EXT1: variants seen among roughly 807,000 people sequenced by gnomAD.
EXT1 encodes exostosin-1.
Under a neutral mutation model 82.5 loss-of-function variants are expected in EXT1, and 20 were observed. The observed-to-expected ratio is 0.24, with a 90% CI of 0.17 to 0.35. EXT1 has a LOEUF of 0.35. Ranked by LOEUF, EXT1 falls within the 10% of genes least tolerant of loss-of-function variation. The pLI is 1.00. For missense variants in EXT1, 757 were observed against 936.5 expected, an observed-to-expected ratio of 0.81 and a Z score of 2.50; for synonymous variants, 348 against 350.8, an observed-to-expected ratio of 0.99 and a Z score of 0.09.
intron 1 of EXT1, among the ~76,000 whole-genome samples, chr8:118,072,340 A>T (rs1817110502): frequency 6.6e-6 from 1 of 152,292 alleles, no homozygotes; most frequent in South Asian, 2.1e-4. Flanking sequence ...CTGATTTAGG[A>T]AACTGATTTA....
intron 1 of EXT1, among the ~76,000 whole-genome samples, chr8:117,950,897 T>G (rs1307206772): frequency 6.6e-6 from 1 of 152,188 alleles, no homozygotes; most frequent in African/African-American, 2.4e-5. Flanking sequence ...TTGTACTCCA[T>G]GAAGAAACAA....
At chr8:118,066,346 T>G (rs953775697) in intron 1 of EXT1, among the ~76,000 whole-genome samples, 26 of 149,988 alleles carry the variant, frequency 1.7e-4, no homozygotes, top group African/African-American at 6.4e-4. Context: ...ATTTATTTAT[T>G]TATTTATTTA....
intron 1 of EXT1, among the ~76,000 whole-genome samples, chr8:118,000,210 C>A (rs1815632833): frequency 6.6e-6 from 1 of 152,128 alleles, no homozygotes; most frequent in Admixed American, 6.6e-5. Flanking sequence ...GTATAAAAGA[C>A]AGATGGAAGG....
chr8:118,048,454 T>C (rs376614754), intron 1 of EXT1, among the ~76,000 whole-genome samples: 7 of 152,188 alleles, frequency 4.6e-5, no homozygotes, highest in East Asian at 3.8e-4. Flanking sequence ...TGTTTATTTG[T>C]TGTTGTTGTT....
chr8:118,073,312 G>A (rs1326472600), intron 1 of EXT1, among the ~76,000 whole-genome samples: 4 of 152,104 alleles, frequency 2.6e-5, no homozygotes, highest in Non-Finnish European at 4.4e-5. Context: ...TGCTGTGGAC[G>A]GCATTCATCA....
intron 1 of EXT1, among the ~76,000 whole-genome samples, chr8:117,872,837 AAAAG>A (rs1244735986): frequency 1.1e-4 from 17 of 152,028 alleles, no homozygotes; most frequent in Non-Finnish European, 2.5e-4. Context: ...AAAAAAAAAA[AAAAG>A]AAAGAAATGC....
intron 1 of EXT1, among the ~76,000 whole-genome samples, chr8:118,033,629 C>A (rs1816371834): frequency 6.6e-6 from 1 of 152,100 alleles, no homozygotes; most frequent in Non-Finnish European, 1.5e-5. Context: ...CAGGTGTGCA[C>A]CACCACACCT....
At position 117,924,086 on chromosome 8, in the gene EXT1, A is replaced by T. The variant is rs17430755; in HGVS notation, c.963-86885T>A. On this transcript the variant is annotated intron_variant, in intron 1 of 10. Transcript: ENST00000378204. ...ACGTGGGAGCATGCTAGAACTGGAGAATTTCCTTAGATATACTGAATCACA... is the reference window on the plus strand; with the variant it reads ...ACGTGGGAGCATGCTAGAACTGGAGTATTTCCTTAGATATACTGAATCACA... Among the ~76,000 whole-genome samples the T allele has an allele frequency of 4.3e-3, 659 of 152,288 alleles. 2 individuals carry two copies. Among genetic ancestry groups the T allele is most frequent in the South Asian group, 8.7e-3 (42 of 4,820 alleles).
rs576867681 is a variant in EXT1 at position 117,832,990 on chromosome 8, T to C, written c.1164+2454A>G. Among the ~76,000 whole-genome samples, 3 of 152,292 alleles carry C rather than the reference T, an allele frequency of 2.0e-5. No individual in the cohort carries two copies. In the South Asian group the frequency reaches 6.2e-4, roughly 32 times the overall value. On this transcript the variant is annotated intron_variant, in intron 3 of 10. Coordinates refer to ENST00000378204, the MANE Select transcript of EXT1 (RefSeq NM_000127.3). ...CAGAATAGATACAAGAAAGTCACAT[T>C]AAGCTCTCTTGGTGACATGATGACA...
At chr8:117,924,626 G>A (rs1813920001) in intron 1 of EXT1, among the ~76,000 whole-genome samples, 2 of 152,174 alleles carry the variant, frequency 1.3e-5, no homozygotes, top group Admixed American at 1.3e-4. Flanking sequence ...GCCAAAACAG[G>A]TAAATAGGAA....
chr8:117,844,449 G>A (rs1812321530), intron 1 of EXT1, among the ~76,000 whole-genome samples: 1 of 151,978 alleles, frequency 6.6e-6, no homozygotes, highest in Non-Finnish European at 1.5e-5. Flanking sequence ...CACCATACCT[G>A]GCCTAAAATT....
At chr8:118,099,917 C>T (rs1817688217) in intron 1 of EXT1, among the ~76,000 whole-genome samples, 1 of 152,204 alleles carries the variant, frequency 6.6e-6, no homozygotes, top group Non-Finnish European at 1.5e-5. Context: ...CTTCCCCTAA[C>T]CACAGTCCTC....
rs532248813 is a variant in EXT1 at position 117,822,632 on chromosome 8, G to T, written c.1285-35C>A. On this transcript the variant is annotated intron_variant, in intron 4 of 10. Transcript: ENST00000378204. Reference sequence around the variant, plus strand: ...AAAACATAGCACACAGTGAGGATGAGATCCTGATGATATTTGGAAAGGATG... The same window carrying T: ...AAAACATAGCACACAGTGAGGATGATATCCTGATGATATTTGGAAAGGATG... 6 of 1,607,952 alleles carry T rather than the reference G, an allele frequency of 3.7e-6. No individual in the cohort carries two copies. In the South Asian group the frequency reaches 5.5e-5, roughly 15 times the overall value.
chr8:118,002,745 G>A (rs1815698650), intron 1 of EXT1, among the ~76,000 whole-genome samples: 2 of 151,728 alleles, frequency 1.3e-5, no homozygotes, highest in Admixed American at 1.3e-4. Context: ...TGTGAGCCAG[G>A]ATGGTCTCGA....
intron 10 of EXT1, 115 bp from the exon 11 acceptor site, chr8:117,800,012 C>T (rs557439554): frequency 3.8e-5 from 42 of 1,111,768 alleles, no homozygotes; most frequent in Middle Eastern, 2.9e-4. Flanking sequence ...GGGTCTGGCC[C>T]GGCCACCAAG....
At chr8:117,978,600 T>C (rs1045500042) in intron 1 of EXT1, among the ~76,000 whole-genome samples, 5 of 152,340 alleles carry the variant, frequency 3.3e-5, no homozygotes, top group African/African-American at 1.2e-4. Flanking sequence ...CTGGATGACC[T>C]ATATAGGAAT....
rs80013645 is a variant in EXT1 at position 118,050,515 on chromosome 8, T to C, written c.962+59570A>G. 6.2e-3 allele frequency among the ~76,000 whole-genome samples: 950 copies of C among 152,290 alleles called. 10 individuals carry two copies. The highest frequency in any genetic ancestry group is 0.022 in the African/African-American group (912 of 41,570). On this transcript the variant is annotated intron_variant, in intron 1 of 10. Coordinates refer to ENST00000378204, the MANE Select transcript of EXT1 (RefSeq NM_000127.3). ...CCTCCCAGCAGGGGTCGGCAAACTT[T>C]TCTGTGTAGAGTCAGAGAGTAAACG...
chr8:117,980,742 T>A (rs1482662477), intron 1 of EXT1, among the ~76,000 whole-genome samples: 1 of 144,372 alleles, frequency 6.9e-6, no homozygotes, highest in African/African-American at 2.6e-5. Context: ...CCAGTGTGAG[T>A]TCTTCAGTGG....
intron 1 of EXT1, among the ~76,000 whole-genome samples, chr8:118,059,625 T>C (rs190547530): frequency 6.6e-6 from 1 of 152,358 alleles, no homozygotes; most frequent in East Asian, 1.9e-4. Flanking sequence ...CGTTCCCTGC[T>C]ATGGTCCCTC....
Sources: allele counts gnomAD v4.1 joint callset (sites outside exome capture counted in the v4.1 genomes callset), GRCh38; gene constraint gnomAD v4.1.1; transcripts MANE v1.5; gene names NCBI Gene and HGNC (gene_info 2026-07-23, HGNC 2026-07-21).